The following QTGAL variants were observed in gnomAD, a reference collection of about 807,000 sequenced individuals.
QTGAL encodes queuosine-tRNA galactosyltransferase, also known as BGnT-like protein 1.
At chr17:83,007,426 T>G in the QTGAL span, among the ~76,000 whole-genome samples, 1 of 152,340 alleles carries the variant, frequency 6.6e-6, no homozygotes, top group Admixed American at 6.5e-5. Context: ...CACGTTTGAC[T>G]GCTGAACAGA....
chr17:82,965,551 AG>A, the QTGAL span: 1 of 1,195,246 alleles, frequency 8.4e-7, no homozygotes, highest in African/African-American at 1.6e-5. Flanking sequence ...AGAGCCCCGG[AG>A]GCATGGCAAG....
At chr17:82,971,568 C>T in the QTGAL span, among the ~76,000 whole-genome samples, 1 of 128,530 alleles carries the variant, frequency 7.8e-6, no homozygotes, top group Non-Finnish European at 1.7e-5. Flanking sequence ...ACTGTGCCAA[C>T]CACACCACAC....
At chr17:83,023,921 G>A in the QTGAL span, among the ~76,000 whole-genome samples, 4 of 152,228 alleles carry the variant, frequency 2.6e-5, no homozygotes, top group Admixed American at 6.5e-5. Context: ...TGCCTTTCTC[G>A]ATTTTCTGCA....
the QTGAL span, chr17:82,947,024 C>A: frequency 6.6e-7 from 1 of 1,524,892 alleles, no homozygotes; most frequent in Non-Finnish European, 8.9e-7. Flanking sequence ...GGTCTCCTGG[C>A]TCTAGGAGGC....
the QTGAL span, among the ~76,000 whole-genome samples, chr17:82,959,021 G>GGTGT: frequency 9.9e-4 from 16 of 16,140 alleles, no homozygotes; most frequent in South Asian, 4.5e-3. Flanking sequence ...GGGGGTGTAT[G>GGTGT]GTGTGTGTGT....
the QTGAL span, among the ~76,000 whole-genome samples, chr17:83,026,113 C>A: frequency 6.6e-6 from 1 of 152,226 alleles, no homozygotes; most frequent in South Asian, 2.1e-4. Flanking sequence ...CTCACCATAA[C>A]CCGTGACCAG....
At chr17:83,031,732 A>G in the QTGAL span, among the ~76,000 whole-genome samples, 4 of 152,296 alleles carry the variant, frequency 2.6e-5, no homozygotes, top group South Asian at 4.1e-4. Flanking sequence ...CCCAGGGAGG[A>G]TGGAGATGCT....
chr17:83,029,535 GC>G, the QTGAL span, among the ~76,000 whole-genome samples: 2 of 152,164 alleles, frequency 1.3e-5, no homozygotes, highest in African/African-American at 4.8e-5. Flanking sequence ...GTGTCAGGTG[GC>G]AGGTCCATGG....
the QTGAL span, among the ~76,000 whole-genome samples, chr17:83,008,382 T>G: frequency 4.6e-5 from 7 of 152,236 alleles, no homozygotes; most frequent in Non-Finnish European, 1.0e-4. Context: ...CTTGGAACTC[T>G]TTCTGAATTT....
chr17:82,981,514 C>T, the QTGAL span: 1 of 152,244 alleles, frequency 6.6e-6, no homozygotes, highest in Non-Finnish European at 1.5e-5. Context: ...GACCTTCACC[C>T]ATTATCTTCA....
the QTGAL span, chr17:82,957,561 A>G: frequency 5.3e-6 from 8 of 1,520,086 alleles, no homozygotes; most frequent in Non-Finnish European, 7.1e-6. Context: ...GCTGACATAC[A>G]GGGACATGAT....
the QTGAL span, chr17:82,965,699 G>T: frequency 6.2e-7 from 1 of 1,612,630 alleles, no homozygotes; most frequent in Non-Finnish European, 8.5e-7. Flanking sequence ...ACGCTCGCGA[G>T]CAGAACCAGG....
chr17:82,998,345 G>GTTTGT, the QTGAL span, among the ~76,000 whole-genome samples: 1 of 152,084 alleles, frequency 6.6e-6, no homozygotes, highest in Non-Finnish European at 1.5e-5. Context: ...TTACAACTTT[G>GTTTGT]TTTGTTTTGT....
chr17:83,041,267 CCAA>C, the QTGAL span, among the ~76,000 whole-genome samples: 4 of 151,910 alleles, frequency 2.6e-5, no homozygotes, highest in African/African-American at 9.7e-5. Context: ...AATAACTATA[CCAA>C]CATATGCACA....
At chr17:82,986,023 C>A in the QTGAL span, among the ~76,000 whole-genome samples, 1 of 152,214 alleles carries the variant, frequency 6.6e-6, no homozygotes, top group South Asian at 2.1e-4. Flanking sequence ...GGGATCAAAG[C>A]CCTCATGCTG....
At chr17:82,982,539 G>GCCCATGAAAAGACCCCATGGAGAT in the QTGAL span, among the ~76,000 whole-genome samples, 2 of 151,486 alleles carry the variant, frequency 1.3e-5, no homozygotes, top group African/African-American at 2.4e-5. Context: ...CTCACAGAGA[G>GCCCATGAAAAGACCCCATGGAGAT]CCTTGTCCCT....
At chr17:82,970,968 G>A in the QTGAL span, among the ~76,000 whole-genome samples, 12 of 152,166 alleles carry the variant, frequency 7.9e-5, no homozygotes, top group Admixed American at 4.6e-4. Context: ...AAGGGAGGAC[G>A]CAGGAGAGAA....
At chr17:82,988,407 C>T in the QTGAL span, among the ~76,000 whole-genome samples, 1 of 152,100 alleles carries the variant, frequency 6.6e-6, no homozygotes. Flanking sequence ...AAAAACCCTA[C>T]AAGAAACTCT....
At chr17:83,005,311 TC>T in the QTGAL span, 1 of 1,018,504 alleles carries the variant, frequency 9.8e-7, no homozygotes, top group Non-Finnish European at 1.5e-6. The surrounding 1 kb of genome is among the most constrained non-coding windows in gnomAD (Gnocchi z 5.6). Context: ...GGCAGAGATG[TC>T]CAGACAGGAA....
Sources: gnomAD v4.1 joint callset for allele counts (sites outside exome capture counted in the v4.1 genomes callset) on GRCh38, gnomAD v4.1.1 for gene constraint, Gnocchi (gnomAD v3.1) non-coding constraint, MANE v1.5 for transcripts, NCBI Gene and HGNC (gene_info 2026-07-23, HGNC 2026-07-21) for gene names.